The following DHRSX variants were observed in gnomAD, a reference collection of about 807,000 sequenced individuals.
DHRSX encodes the protein dehydrogenase/reductase X-linked, also known as polyprenol dehydrogenase.
Under a neutral mutation model 34.0 loss-of-function variants are expected in DHRSX, and 31 were observed. The observed-to-expected ratio is 0.91, with a 90% CI of 0.69 to 1.23. DHRSX has a LOEUF of 1.23. Ranked by LOEUF, DHRSX falls within the 50% of genes most tolerant of loss-of-function variation. The pLI is 0.00. For synonymous variants in DHRSX, 201 were observed against 183.8 expected (o/e 1.09, Z -0.76); for missense variants, 414 against 428.1 (o/e 0.97, Z 0.29).
intron 3 of DHRSX, among the ~76,000 whole-genome samples, chrX:2,310,992 C>A (rs1235912026): frequency 2.0e-5 from 3 of 148,962 alleles, no homozygotes; most frequent in African/African-American, 7.4e-5. Context: ...ATCCGGGAGG[C>A]GGAGGTTGTA....
chrX:2,338,927 G>A lies in DHRSX; in HGVS notation c.287-47324C>T, dbSNP rs759905428. Among the ~76,000 whole-genome samples the A allele has an allele frequency of 6.6e-5, 10 of 151,926 alleles. No homozygotes were observed. The South Asian group carries it at 1.5e-3, about 22-fold the overall frequency. On this transcript the variant is annotated intron_variant, in intron 3 of 6. Transcript: ENST00000334651. ...AAGGGGCCAGCCCTGCAGTTCCCAC[G>A]AGACCACCTACTTCCCACTCCCCAT... is the stretch of plus-strand genomic sequence containing the variant.
At chrX:2,399,493 T>C (rs2043457990) in intron 3 of DHRSX, among the ~76,000 whole-genome samples, 1 of 149,260 alleles carries the variant, frequency 6.7e-6, no homozygotes, top group African/African-American at 2.5e-5. Flanking sequence ...GATCACAAAG[T>C]CAGGAGATCA....
chrX:2,370,887 G>A (rs371320535), intron 3 of DHRSX, among the ~76,000 whole-genome samples: 1 of 152,142 alleles, frequency 6.6e-6, no homozygotes, highest in South Asian at 2.1e-4. Context: ...TGCAGCCACA[G>A]GGTTTGGCAG....
At chrX:2,478,839 C>T (rs952608245) in intron 1 of DHRSX, among the ~76,000 whole-genome samples, 2 of 151,796 alleles carry the variant, frequency 1.3e-5, no homozygotes, top group Non-Finnish European at 2.9e-5. Context: ...TGAAGACGCT[C>T]CCTAAGAATG....
chrX:2,426,253 G>A lies in DHRSX; in HGVS notation c.110-949C>T, dbSNP rs755839957. Among the ~76,000 whole-genome samples, 3 of 152,242 alleles carry A rather than the reference G, an allele frequency of 2.0e-5. No homozygotes were observed. The East Asian group carries it at 5.8e-4, about 29-fold the overall frequency. Reference sequence around the variant, plus strand: ...GCTGCTGGTATCACACGTGCAGATAGCATCTCACTTGAATTTCTGGTTAAG... The same window carrying A: ...GCTGCTGGTATCACACGTGCAGATAACATCTCACTTGAATTTCTGGTTAAG... On this transcript the variant is annotated intron_variant, in intron 1 of 6. Transcript: ENST00000334651.
At chrX:2,270,544 G>T (rs190251859) in intron 4 of DHRSX, among the ~76,000 whole-genome samples, 67,104 of 151,390 alleles carry the variant, frequency 0.44, 15,739 homozygotes, top group Middle Eastern at 0.56. Flanking sequence ...AGGGCCCACA[G>T]AAGACTCAGC....
chrX:2,481,788 T>C (rs1312358678), intron 1 of DHRSX, among the ~76,000 whole-genome samples: 1 of 151,228 alleles, frequency 6.6e-6, no homozygotes, highest in African/African-American at 2.4e-5. Context: ...CTGGGCCTGC[T>C]CAGGAGGGTT....
chrX:2,316,699 G>C (rs1315715028), intron 3 of DHRSX, among the ~76,000 whole-genome samples: 1 of 152,140 alleles, frequency 6.6e-6, no homozygotes, highest in Non-Finnish European at 1.5e-5. Context: ...TTAAACCCAC[G>C]TATGCCTAGT....
chrX:2,240,289 CTCAAAAAAAAAA>C (rs2016110729), intron 6 of DHRSX, among the ~76,000 whole-genome samples: 2 of 136,612 alleles, frequency 1.5e-5, no homozygotes, highest in African/African-American at 2.7e-5. Flanking sequence ...GAGACTCTAT[CTCAAAAAAAAAA>C]AGAAAAAGAA....
At chrX:2,268,618 C>A (rs1449674247) in intron 4 of DHRSX, among the ~76,000 whole-genome samples, 1 of 150,778 alleles carries the variant, frequency 6.6e-6, no homozygotes, top group African/African-American at 2.4e-5. Context: ...TGCATATTTT[C>A]TTTTACATAT....
Position 2,301,095 on chromosome X carries a change from A to G in DHRSX, c.287-9492T>C, listed in dbSNP as rs546217598. Among the ~76,000 whole-genome samples the G allele has an allele frequency of 7.9e-5, 12 of 152,244 alleles. 1 individual carries two copies. Among genetic ancestry groups the G allele is most frequent in the African/African-American group, 2.9e-4 (12 of 41,540 alleles). ...CCAAAATATTCAGAAGATTTGTATCACTCTAAGTTCTCGTGCTAGTAAGAA... is the reference window on the plus strand; with the variant it reads ...CCAAAATATTCAGAAGATTTGTATCGCTCTAAGTTCTCGTGCTAGTAAGAA... On this transcript the variant is annotated intron_variant, in intron 3 of 6. Coordinates refer to ENST00000334651, the MANE Select transcript of DHRSX (RefSeq NM_145177.3).
rs778015895 is a variant in DHRSX, at chrX:2,253,876, G to C, written c.597-10646C>G. ...AATATCGAGACCATCCTGGCTAACA[G>C]GGTGAAACCCCGTCTCTAATAAAAA... is the stretch of plus-strand genomic sequence containing the variant. On this transcript the variant is annotated intron_variant, in intron 5 of 6. Transcript: ENST00000334651. Among the ~76,000 whole-genome samples, 5 of 152,182 alleles carry C rather than the reference G, an allele frequency of 3.3e-5. No homozygotes were observed. In the East Asian group the frequency reaches 5.8e-4, roughly 18 times the overall value.
chrX:2,295,953 G>C (rs893609048), intron 3 of DHRSX, among the ~76,000 whole-genome samples: 4 of 152,024 alleles, frequency 2.6e-5, no homozygotes, highest in African/African-American at 7.2e-5. Flanking sequence ...TCCTTTTCTG[G>C]GATGGACTGT....
chrX:2,255,718 C>T (rs775222175), intron 5 of DHRSX, among the ~76,000 whole-genome samples: 1 of 151,868 alleles, frequency 6.6e-6, no homozygotes, highest in African/African-American at 2.4e-5. Flanking sequence ...CGAGACCAGC[C>T]TGACCAACAT....
At position 2,219,630 on chromosome X, in the gene DHRSX, T is replaced by G. The variant is rs2015481863; in HGVS notation, c.*1411A>C. 6.6e-6 allele frequency: 1 copy of G among 152,160 alleles called. No homozygotes were observed. The highest frequency in any genetic ancestry group is 2.4e-5 in the African/African-American group (1 of 41,442). 9.4% of individuals were successfully genotyped at this position (152,160 alleles called of 1,614,324 possible). ...AGAAGCACATGCCCCCACAATTAGT[T>G]TGAACTCCATCCTGGAATTGCAGCT... is the stretch of plus-strand genomic sequence containing the variant. On this transcript the variant is annotated 3_prime_UTR_variant, in exon 7 of 7. Coordinates refer to ENST00000334651, the MANE Select transcript of DHRSX (RefSeq NM_145177.3).
At chrX:2,250,483 A>G (rs937659920) in intron 5 of DHRSX, among the ~76,000 whole-genome samples, 1 of 152,164 alleles carries the variant, frequency 6.6e-6, no homozygotes, top group Non-Finnish European at 1.5e-5. Flanking sequence ...TGGATTACTC[A>G]TGAGTTTTCT....
intron 6 of DHRSX, among the ~76,000 whole-genome samples, chrX:2,234,729 G>C (rs1292878230): frequency 6.6e-6 from 1 of 152,024 alleles, no homozygotes; most frequent in Non-Finnish European, 1.5e-5. Flanking sequence ...TTTATTTTTT[G>C]AGACGGAGTC....
In DHRSX at chrX:2,457,688, G is replaced by T. The variant is rs185226897; in HGVS notation, c.110-32384C>A. 2.0e-5 allele frequency among the ~76,000 whole-genome samples: 3 copies of T among 150,536 alleles called. No individual in the cohort carries two copies. In the East Asian group the frequency reaches 6.0e-4, roughly 30 times the overall value. ...GGTTCCCCTAAGCATGTGGTTAAAG[G>T]ACTGCCGCCCTGTACACACTGAAGA... On this transcript the variant is annotated intron_variant, in intron 1 of 6. Coordinates refer to ENST00000334651, the MANE Select transcript of DHRSX (RefSeq NM_145177.3).
chrX:2,307,143 G>T (rs2042107984), intron 3 of DHRSX, among the ~76,000 whole-genome samples: 1 of 152,104 alleles, frequency 6.6e-6, no homozygotes, highest in Non-Finnish European at 1.5e-5. Context: ...AAAAAAGAAT[G>T]AAATCATGTT....
Sources: gnomAD v4.1 joint callset for allele counts (sites outside exome capture counted in the v4.1 genomes callset) on GRCh38, gnomAD v4.1.1 for gene constraint, MANE v1.5 for transcripts, NCBI Gene and HGNC (gene_info 2026-07-23, HGNC 2026-07-21) for gene names.